Variants in ADGRG1 observed in about 807,000 individuals in gnomAD.
ADGRG1 encodes the protein 7-transmembrane protein with no EGF-like N-terminal domains-1.
Under a neutral mutation model 73.5 loss-of-function variants are expected in ADGRG1, and 53 were observed. The ratio of observed to expected loss-of-function variants is 0.72; its 90% confidence interval spans 0.58 to 0.91. The LOEUF (loss-of-function observed/expected upper bound fraction) is 0.91. Among genes scored for constraint, ADGRG1 ranks in the 40% least tolerant of loss-of-function variants. The pLI is 0.00. For missense variants in ADGRG1, 795 were observed against 871.8 expected (o/e 0.91, Z 1.11); for synonymous variants, 394 against 374.4 (o/e 1.05, Z -0.60).
At chr16:57,644,343 A>C in intron 1 of ADGRG1, 1 of 269,148 alleles carries the variant, frequency 3.7e-6, no homozygotes, top group Non-Finnish European at 5.6e-6. Context: ...GGGCACACAC[A>C]CTGATCACAC....
chr16:57,648,164 G>A (rs1412455109), intron 1 of ADGRG1, among the ~76,000 whole-genome samples: 1 of 152,118 alleles, frequency 6.6e-6, no homozygotes, highest in Non-Finnish European at 1.5e-5. Flanking sequence ...GTGAGGGGCT[G>A]CTTGGAGGAA....
intron 1 of ADGRG1, chr16:57,636,698 A>G (rs1229610304): frequency 1.0e-6 from 1 of 985,052 alleles, no homozygotes; most frequent in Non-Finnish European, 1.2e-6. Flanking sequence ...CCTGGGTTAG[A>G]GTCCCAGCTC....
At chr16:57,644,374 C>CACACAAGGACATT in intron 1 of ADGRG1, 2 of 181,888 alleles carry the variant, frequency 1.1e-5, no homozygotes, top group Non-Finnish European at 2.1e-5. Flanking sequence ...GGGCACACAG[C>CACACAAGGACATT]CATGTGCACA....
At chr16:57,633,790 G>T (rs1371093591) in intron 1 of ADGRG1, among the ~76,000 whole-genome samples, 1 of 152,186 alleles carries the variant, frequency 6.6e-6, no homozygotes, top group Non-Finnish European at 1.5e-5. Context: ...GAGAGCATTG[G>T]AGACTTTATC....
At chr16:57,649,402 G>C (rs748257956) in intron 1 of ADGRG1, among the ~76,000 whole-genome samples, 80 of 152,178 alleles carry the variant, frequency 5.3e-4, no homozygotes, top group Non-Finnish European at 8.1e-4. Flanking sequence ...CCTGGAGGAG[G>C]CTACTGGGGG....
chr16:57,634,464 C>T, intron 1 of ADGRG1: 4 of 985,416 alleles, frequency 4.1e-6, no homozygotes, highest in African/African-American at 1.7e-5. Context: ...CTGGGGCATA[C>T]ACTTCACTGC....
chr16:57,656,495 C>T lies in ADGRG1; in HGVS notation c.1064-19C>T, dbSNP rs192502894. On this transcript the variant is annotated intron_variant, in intron 8 of 13. Transcript: ENST00000562631. ...GGAGGACTGGACTTGATTGGAGCCC[C>T]GTGCTGTCCCCTCCTCAGTGAGCAG... 1.4e-5 allele frequency: 22 copies of T among 1,597,806 alleles called. 1 individual carries two copies. Among genetic ancestry groups the T allele is most frequent in the South Asian group, 8.8e-5 (8 of 90,760 alleles).
intron 13 of ADGRG1, 138 bp from the exon 14 acceptor site, chr16:57,663,314 C>T (rs2047705157): frequency 2.0e-6 from 3 of 1,528,760 alleles, no homozygotes; most frequent in Non-Finnish European, 2.6e-6. Context: ...CGCTGGGTCT[C>T]ATGGGTGCCC....
intron 1 of ADGRG1, chr16:57,648,514 C>T: frequency 2.1e-6 from 2 of 970,896 alleles, no homozygotes; most frequent in East Asian, 2.3e-4. Flanking sequence ...GGAACTGGCT[C>T]TCAGTCGAAG....
At chr16:57,648,536 A>T (rs2043232415) in intron 1 of ADGRG1, 1 of 977,796 alleles carries the variant, frequency 1.0e-6, no homozygotes, top group Non-Finnish European at 1.2e-6. Context: ...GGCCAGGTTT[A>T]TTTGAGGGAG....
chr16:57,644,458 A>G (rs778312882), intron 1 of ADGRG1, among the ~76,000 whole-genome samples: 2 of 143,982 alleles, frequency 1.4e-5, no homozygotes, highest in Non-Finnish European at 3.0e-5. Flanking sequence ...ACATGCACAC[A>G]CTCATGCACG....
In ADGRG1 at chr16:57,628,676, C is replaced by G. The variant is rs746175646; in HGVS notation, c.-162C>G. 8.6e-5 allele frequency: 85 copies of G among 985,408 alleles called. No homozygotes were observed. Among genetic ancestry groups the G allele is most frequent in the Non-Finnish European group, 9.9e-5 (82 of 829,998 alleles). 61.0% of individuals were successfully genotyped at this position (985,408 alleles called of 1,614,324 possible). The stretch of plus-strand genomic sequence containing the variant: ...CTGCCGTAGGAGATGGGCTGGGAGC[C>G]TCCCACGCTCTCCAGCTCACTCGGC... On this transcript the variant is annotated 5_prime_UTR_variant, in exon 1 of 14. Transcript: ENST00000562631.
At chr16:57,630,956 C>T in intron 1 of ADGRG1, 1 of 985,458 alleles carries the variant, frequency 1.0e-6, no homozygotes, top group Non-Finnish European at 1.2e-6. Flanking sequence ...GCCAGCAGGT[C>T]TCAATCTGCT....
At chr16:57,649,244 C>T (rs1469742486) in intron 1 of ADGRG1, among the ~76,000 whole-genome samples, 1 of 152,152 alleles carries the variant, frequency 6.6e-6, no homozygotes, top group Non-Finnish European at 1.5e-5. Flanking sequence ...CTGTAGAGGG[C>T]GTCGCGGATG....
At chr16:57,633,882 T>C (rs925876911) in intron 1 of ADGRG1, among the ~76,000 whole-genome samples, 3 of 152,228 alleles carry the variant, frequency 2.0e-5, no homozygotes, top group Admixed American at 6.5e-5. Context: ...ACATGCCCAT[T>C]CCTGGGGTCT....
intron 1 of ADGRG1, among the ~76,000 whole-genome samples, chr16:57,638,970 T>G (rs1400096943): frequency 6.6e-6 from 1 of 151,430 alleles, no homozygotes; most frequent in East Asian, 1.9e-4. Context: ...CTCGGGAGGC[T>G]GAGGCAGGAG....
intron 1 of ADGRG1, chr16:57,630,072 A>G (rs1239222813): frequency 1.1e-6 from 1 of 921,090 alleles, no homozygotes; most frequent in East Asian, 1.2e-4. Context: ...GCATTTATTG[A>G]GCGCTTACTG....
intron 1 of ADGRG1, among the ~76,000 whole-genome samples, chr16:57,638,622 T>G (rs1240084487): frequency 6.6e-6 from 1 of 152,200 alleles, no homozygotes; most frequent in African/African-American, 2.4e-5. Context: ...CAGAGAAATA[T>G]GATGCACACA....
intron 1 of ADGRG1, chr16:57,644,158 T>A: frequency 1.0e-6 from 1 of 984,732 alleles, no homozygotes; most frequent in Non-Finnish European, 1.2e-6. Context: ...TCTGAGGAGC[T>A]CCCCGCCTTC....
Sources: gnomAD v4.1 joint callset for allele counts (sites outside exome capture counted in the v4.1 genomes callset) on GRCh38, gnomAD v4.1.1 for gene constraint, MANE v1.5 for transcripts, NCBI Gene and HGNC (gene_info 2026-07-23, HGNC 2026-07-21) for gene names.